The following RAPGEF3 variants were observed in gnomAD, a reference collection of about 807,000 sequenced individuals.
RAPGEF3 encodes the protein Rap guanine nucleotide exchange factor 3, also known as 9330170P05Rik.
Under a neutral mutation model 129.8 loss-of-function variants are expected in RAPGEF3, and 103 were observed. The observed-to-expected ratio is 0.79, with a 90% confidence interval of 0.68 to 0.93. The LOEUF (loss-of-function observed/expected upper bound fraction) is 0.93, where lower values mean the gene tolerates loss of function less well. Ranked by LOEUF, RAPGEF3 falls within the 40% of genes least tolerant of loss-of-function variation. The pLI, the probability that RAPGEF3 is intolerant of heterozygous loss-of-function variation, is 0.00. For missense variants in RAPGEF3, 1,117 were observed against 1,207.4 expected (o/e 0.93, Z 1.11); for synonymous variants, 436 against 482.6 (o/e 0.90, Z 1.26).
Position 47,738,223 on chromosome 12 carries a change from T to TC in RAPGEF3, c.2550dup (p.Met851AspfsTer59). On this transcript the variant is annotated frameshift_variant, in exon 26 of 28. Coordinates refer to ENST00000449771, the MANE Select transcript of RAPGEF3 (RefSeq NM_001098531.4). LOFTEE classifies it high-confidence loss of function. ...TTGTGGCTTCGGCAGTGGTGCAGCA[T>TC]CCGCGCGGCTCTGGCCATCATTCTC... The TC allele has an allele frequency of 6.2e-7, 1 of 1,613,410 alleles. No individual in the cohort carries two copies. The highest frequency in any genetic ancestry group is 2.2e-5 in the East Asian group (1 of 44,868).
In RAPGEF3 at chr12:47,740,989, C is replaced by G. The variant is rs758222582; in HGVS notation, c.1975G>C (p.Asp659His). 1 of 1,613,414 alleles carries G rather than the reference C, an allele frequency of 6.2e-7. No individual in the cohort carries two copies. The highest frequency in any genetic ancestry group is 8.5e-7 in the Non-Finnish European group (1 of 1,179,818). The change falls in exon 20 of 28, where the codon GAC (aspartate) becomes CAC (histidine). Residue 659 changes from aspartate (D) to histidine (H), a missense_variant. Asp to His is a moderately conservative substitution (Grantham distance 81, BLOSUM62 -1). Transcript: ENST00000449771. The part of the protein sequence containing the change: ...GPTVGSAEGL[D>H]LVSAKDLAGQ... ...GCCAGGTCCTTGGCACTCACCAGGTCCAGCCCCTCAGCAGAGCCCACAGTG... is the reference window on the plus strand; with the variant it reads ...GCCAGGTCCTTGGCACTCACCAGGTGCAGCCCCTCAGCAGAGCCCACAGTG...
chr12:47,747,016 G>A (rs1309242750), intron 15 of RAPGEF3, 117 bp from the exon 16 acceptor site: 17 of 937,322 alleles, frequency 1.8e-5, no homozygotes, highest in African/African-American at 6.8e-5. Flanking sequence ...AGGTAAGCAC[G>A]ACCAGGTAAG....
chr12:47,748,221 C>T, intron 12 of RAPGEF3, 69 bp from the exon 13 acceptor site: 1 of 1,310,142 alleles, frequency 7.6e-7, no homozygotes, highest in Non-Finnish European at 1.1e-6. Flanking sequence ...GGTGTATGGA[C>T]AGCTGGAAGG....
At chr12:47,738,320 G>C in intron 25 of RAPGEF3, 73 bp from the exon 26 acceptor site, 1 of 1,573,916 alleles carries the variant, frequency 6.4e-7, no homozygotes, top group Non-Finnish European at 8.7e-7. Context: ...GCAGCAGGGA[G>C]GCCAAGCTCC....
rs748826191 is a variant in RAPGEF3 at position 47,738,652 on chromosome 12, CTA to C, written c.2526+36_2526+37del. The C allele has an allele frequency of 8.5e-6, 13 of 1,530,874 alleles. No homozygotes were observed. In the East Asian group the frequency reaches 2.7e-4, roughly 32 times the overall value. 94.8% of individuals were successfully genotyped at this position (1,530,874 alleles called of 1,614,324 possible). A position where few individuals can be genotyped will look rare whatever the true frequency, so the allele number is the denominator to read the frequency against. On this transcript the variant is annotated intron_variant, in intron 25 of 27. Coordinates refer to ENST00000449771, the MANE Select transcript of RAPGEF3 (RefSeq NM_001098531.4). The stretch of plus-strand genomic sequence containing the variant: ...CCAGGCCACAGTCATGTCCTCCAAC[CTA>C]TGTTAGTAGTGAATGCCTGCTCTCC...
chr12:47,747,062 C>A (rs1416149210), intron 15 of RAPGEF3, among the ~76,000 whole-genome samples, 163 bp from the exon 16 acceptor site: 1 of 152,168 alleles, frequency 6.6e-6, no homozygotes, highest in African/African-American at 2.4e-5. Flanking sequence ...GTCTTGAAAC[C>A]AGGCCCCCAG....
At chr12:47,748,004 G>C in intron 13 of RAPGEF3, 70 bp downstream of exon 13, 1 of 1,553,970 alleles carries the variant, frequency 6.4e-7, no homozygotes, top group Non-Finnish European at 8.8e-7. Context: ...CCACGCTGGT[G>C]AGATTTTCTC....
intron 23 of RAPGEF3, 119 bp from the exon 24 acceptor site, chr12:47,739,349 TCTC>T (rs1452839363): frequency 1.1e-5 from 9 of 796,482 alleles, no homozygotes; most frequent in African/African-American, 1.0e-4. Flanking sequence ...CAACTCAGCC[TCTC>T]CTCAGCCCCA....
At position 47,743,549 on chromosome 12, in the gene RAPGEF3, C is replaced by T; in HGVS notation, c.1806G>A (p.Val602=). Residue 602 remains valine, a synonymous_variant, in exon 18 of 28, where the codon GTG becomes GTA. Transcript: ENST00000449771. ...EDGWTKGQVL[V]KVNSAGDAIG... ...ACTCACCACCTGCAGAATTGACCTT[C>T]ACCAGCACCTGCCCCTTGGTCCAGC... The T allele has an allele frequency of 6.2e-7, 1 of 1,614,050 alleles. No homozygotes were observed.
At position 47,758,444 on chromosome 12, in the gene RAPGEF3, T is replaced by C. The variant is rs1942235484; in HGVS notation, c.6+107A>G. 3 of 1,576,168 alleles carry C rather than the reference T, an allele frequency of 1.9e-6. No homozygotes were observed. In the Admixed American group the frequency reaches 5.4e-5, roughly 28 times the overall value. On this transcript the variant is annotated intron_variant, in intron 1 of 27. Coordinates refer to ENST00000449771, the MANE Select transcript of RAPGEF3 (RefSeq NM_001098531.4). Reference sequence around the variant, plus strand: ...TTCGGCTTAAACCCTTCTCCTCTCCTCCTCAGCCCTGACTAACCCTCCCTC... The same window carrying C: ...TTCGGCTTAAACCCTTCTCCTCTCCCCCTCAGCCCTGACTAACCCTCCCTC...
intron 1 of RAPGEF3, 193 bp from the exon 2 acceptor site, chr12:47,758,271 G>A (rs1485324827): frequency 8.4e-6 from 12 of 1,431,816 alleles, no homozygotes; most frequent in Non-Finnish European, 1.1e-5. Flanking sequence ...GGCGCACTTA[G>A]GGGTCTCCAG....
At chr12:47,747,948 C>A (rs1465347685) in intron 13 of RAPGEF3, 86 bp from the exon 14 acceptor site, 2 of 1,586,266 alleles carry the variant, frequency 1.3e-6, no homozygotes, top group South Asian at 1.1e-5. Context: ...GGGCCCCTGG[C>A]AAGCTGGGCC....
Position 47,740,501 on chromosome 12 carries a change from G to C in RAPGEF3, c.2232-106C>G, listed in dbSNP as rs546710839. 8.1e-6 allele frequency: 12 copies of C among 1,480,896 alleles called. No homozygotes were observed. In the African/African-American group the frequency reaches 1.5e-4, roughly 19 times the overall value. The allele number at this position is 1,480,896 out of a possible 1,614,324, so 91.7% of individuals were successfully genotyped here. A position where few individuals can be genotyped will look rare whatever the true frequency, so the allele number is the denominator to read the frequency against. On this transcript the variant is annotated intron_variant, in intron 21 of 27. Coordinates refer to ENST00000449771, the MANE Select transcript of RAPGEF3 (RefSeq NM_001098531.4). The stretch of plus-strand genomic sequence containing the variant: ...CCTCTGCAGAGATCCAAGCTGGATG[G>C]GGTGGGAAGGCAGAGGCTCCAGGGG...
In RAPGEF3 at chr12:47,750,522, G is replaced by A. The variant is rs924543909; in HGVS notation, c.672-97C>T. The stretch of plus-strand genomic sequence containing the variant: ...ACCCAGCCGATGCCTGTGCCAGACG[G>A]TGCCTCAGCAGTGACAGTTATCAGC... On this transcript the variant is annotated intron_variant, in intron 6 of 27. Coordinates refer to ENST00000449771, the MANE Select transcript of RAPGEF3 (RefSeq NM_001098531.4). The A allele has an allele frequency of 7.2e-6, 8 of 1,115,966 alleles. No homozygotes were observed. In the African/African-American group the frequency reaches 7.8e-5, roughly 11 times the overall value. 69.1% of individuals were successfully genotyped at this position (1,115,966 alleles called of 1,614,324 possible). A position where few individuals can be genotyped will look rare whatever the true frequency, so the allele number is the denominator to read the frequency against.
intron 12 of RAPGEF3, 130 bp downstream of exon 12, chr12:47,748,324 A>T: frequency 1.0e-6 from 1 of 986,356 alleles, no homozygotes; most frequent in East Asian, 2.6e-5. Flanking sequence ...AGGTAAGAGG[A>T]CTTATTGCCA....
rs565935265 is a variant in RAPGEF3 at position 47,749,148 on chromosome 12, A to G, written c.1042-217T>C. The G allele has an allele frequency of 3.1e-3, 1,642 of 532,254 alleles. 8 individuals carry two copies. Among genetic ancestry groups the G allele is most frequent in the Middle Eastern group, 3.6e-3 (9 of 2,518 alleles). The allele number at this position is 532,254 out of a possible 1,614,324, so 33.0% of individuals were successfully genotyped here. On this transcript the variant is annotated intron_variant, in intron 10 of 27. Transcript: ENST00000449771. The surrounding 1 kb of genome is among the most constrained non-coding windows in gnomAD (Gnocchi z 4.5). The stretch of plus-strand genomic sequence containing the variant: ...CTAGTCCCCCGCCCCCTGCATGCCC[A>G]TCCTTCCCCTGGTCTCCCACACTGA...
chr12:47,740,786 A>G lies in RAPGEF3; in HGVS notation c.2087T>C (p.Leu696Pro), dbSNP rs778330392. Reference protein sequence around the residue: ...LIHYVLGPQHLRDVTTANLER... With the variant: ...LIHYVLGPQHPRDVTTANLER... ...CAGGTTGGCGGTGGTGACATCCCGC[A>G]GATGCTGGGGGCCCAGCACATAGTG... Residue 696 changes from leucine to proline, a missense_variant, in exon 21 of 28, where the codon CTG becomes CCG. Physicochemically the swap from Leu to Pro is moderately conservative, Grantham distance 98. Coordinates refer to ENST00000449771, the MANE Select transcript of RAPGEF3 (RefSeq NM_001098531.4). 3.1e-6 allele frequency: 5 copies of G among 1,614,064 alleles called. No homozygotes were observed. Among genetic ancestry groups the G allele is most frequent in the Non-Finnish European group, 4.2e-6 (5 of 1,179,996 alleles).
intron 6 of RAPGEF3, 24 bp from the exon 7 acceptor site, chr12:47,750,449 G>A: frequency 6.2e-7 from 1 of 1,601,644 alleles, no homozygotes; most frequent in Non-Finnish European, 8.5e-7. Context: ...AGGAATGGGA[G>A]CACACTGTGA....
Position 47,758,651 on chromosome 12 carries a change from G to T in RAPGEF3, c.-95C>A. On this transcript the variant is annotated 5_prime_UTR_variant, in exon 1 of 28. Coordinates refer to ENST00000449771, the MANE Select transcript of RAPGEF3 (RefSeq NM_001098531.4). ...CAGCTTTGATAAGGGGATCCGGAGG[G>T]TGCCAGTGGGTAAGTCCAGGTACAG... The T allele has an allele frequency of 1.9e-6, 3 of 1,585,286 alleles. No individual in the cohort carries two copies. The highest frequency in any genetic ancestry group is 2.6e-6 in the Non-Finnish European group (3 of 1,164,892).
Sources: allele counts gnomAD v4.1 joint callset (sites outside exome capture counted in the v4.1 genomes callset), GRCh38; gene constraint gnomAD v4.1.1; non-coding constraint Gnocchi (gnomAD v3.1); transcripts MANE v1.5; gene names NCBI Gene and HGNC (gene_info 2026-07-23, HGNC 2026-07-21).